TSHZ2: variants seen among roughly 807,000 people sequenced by gnomAD.
TSHZ2 encodes teashirt homolog 2.
Under a neutral mutation model 74.4 loss-of-function variants are expected in TSHZ2, and 21 were observed. The observed-to-expected ratio is 0.28, with a 90% CI of 0.20 to 0.41. The LOEUF is 0.41. TSHZ2 is among the 10% of genes least tolerant of loss of function. The probability of loss-of-function intolerance (pLI) is 1.00; values close to 1 mark genes in which losing one functional copy is unlikely to be tolerated. For synonymous variants in TSHZ2, 540 were observed against 515.3 expected, an observed-to-expected ratio of 1.05 and a Z score of -0.65; for missense variants, 1,244 against 1,293.5, an observed-to-expected ratio of 0.96 and a Z score of 0.59.
intron 1 of TSHZ2, among the ~76,000 whole-genome samples, chr20:53,064,470 C>G (rs753968362): frequency 1.5e-4 from 22 of 151,656 alleles, no homozygotes; most frequent in Non-Finnish European, 3.1e-4. Flanking sequence ...CGTTTGAGCC[C>G]CTATGCCATT....
intron 1 of TSHZ2, among the ~76,000 whole-genome samples, chr20:53,190,954 A>G (rs955725002): frequency 5.9e-5 from 9 of 152,186 alleles, no homozygotes; most frequent in Non-Finnish European, 1.0e-4. Flanking sequence ...TGAATCATGA[A>G]TGGTTAAATA....
chr20:53,160,745 CAAAA>C (rs10653039), intron 1 of TSHZ2, among the ~76,000 whole-genome samples: 10 of 95,840 alleles, frequency 1.0e-4, no homozygotes, highest in African/African-American at 3.4e-4. Context: ...ACTCTGTCTC[CAAAA>C]AAAAAAAAAA....
chr20:53,160,031 G>A (rs141321938), intron 1 of TSHZ2, among the ~76,000 whole-genome samples: 25 of 152,274 alleles, frequency 1.6e-4, no homozygotes, highest in Non-Finnish European at 3.1e-4. Context: ...AGAGGAGAGG[G>A]AAGTCCATCA....
In TSHZ2 at chr20:53,118,564, G is replaced by A. The variant is rs146975879; in HGVS notation, c.41-134935G>A. 1.6e-4 allele frequency among the ~76,000 whole-genome samples: 24 copies of A among 152,302 alleles called. No individual in the cohort carries two copies. The East Asian group carries it at 2.7e-3, about 17-fold the overall frequency. ...GCTCTGGAACATAAACTCCAGTGGA[G>A]CTGTCCTCATTTGAGGTAAGGGGGT... On this transcript the variant is annotated intron_variant, in intron 1 of 2. Transcript: ENST00000371497.
chr20:53,108,221 GC>G (rs1473911977), intron 1 of TSHZ2, among the ~76,000 whole-genome samples: 1 of 152,200 alleles, frequency 6.6e-6, no homozygotes, highest in African/African-American at 2.4e-5. Flanking sequence ...AAGTAGAGAG[GC>G]TCTTTGGCAT....
chr20:53,101,591 A>G (rs1010670423), intron 1 of TSHZ2, among the ~76,000 whole-genome samples: 34 of 152,212 alleles, frequency 2.2e-4, no homozygotes, highest in African/African-American at 7.7e-4. Flanking sequence ...TAGAAACCAC[A>G]GCCCCCACTC....
chr20:53,349,293 C>T (rs894598824), intron 2 of TSHZ2, among the ~76,000 whole-genome samples: 1 of 152,200 alleles, frequency 6.6e-6, no homozygotes, highest in African/African-American at 2.4e-5. Context: ...AAACAATGCC[C>T]ACCACATAGC....
intron 1 of TSHZ2, among the ~76,000 whole-genome samples, chr20:53,131,399 A>G (rs1987096340): frequency 6.6e-6 from 1 of 152,322 alleles, no homozygotes; most frequent in Admixed American, 6.5e-5. Context: ...ACTCCCTGCA[A>G]TCTAGCTGGA....
At chr20:53,116,057 T>C (rs545422638) in intron 1 of TSHZ2, among the ~76,000 whole-genome samples, 2 of 152,312 alleles carry the variant, frequency 1.3e-5, no homozygotes, top group South Asian at 2.1e-4. Context: ...GCATTACTTC[T>C]CTTCCTTATA....
At chr20:52,978,874 C>T (rs777470502) in intron 1 of TSHZ2, among the ~76,000 whole-genome samples, 6 of 152,112 alleles carry the variant, frequency 3.9e-5, no homozygotes, top group Non-Finnish European at 8.8e-5. Context: ...GAGAGCTTAT[C>T]CTTCTATCTT....
intron 2 of TSHZ2, among the ~76,000 whole-genome samples, chr20:53,452,193 G>A (rs1984815484): frequency 6.6e-6 from 1 of 152,216 alleles, no homozygotes; most frequent in Admixed American, 6.5e-5. Context: ...CAGTGTAAGG[G>A]GCTTAGAGGA....
intron 2 of TSHZ2, among the ~76,000 whole-genome samples, chr20:53,261,909 G>A (rs910814711): frequency 1.3e-5 from 2 of 152,198 alleles, no homozygotes; most frequent in African/African-American, 4.8e-5. Context: ...CGAAAGTGAG[G>A]AGGGGAAAAT....
chr20:53,292,145 T>C (rs1390607828), intron 2 of TSHZ2, among the ~76,000 whole-genome samples: 1 of 152,168 alleles, frequency 6.6e-6, no homozygotes, highest in African/African-American at 2.4e-5. Context: ...TAATGACTAA[T>C]TATTGAGGCT....
chr20:53,172,399 G>A (rs1489288489), intron 1 of TSHZ2, among the ~76,000 whole-genome samples: 1 of 151,952 alleles, frequency 6.6e-6, no homozygotes, highest in African/African-American at 2.4e-5. Flanking sequence ...GCTATTGTTT[G>A]GGTTTTATTT....
chr20:53,234,166 A>G (rs1989888184), intron 1 of TSHZ2, among the ~76,000 whole-genome samples: 1 of 152,198 alleles, frequency 6.6e-6, no homozygotes, highest in Admixed American at 6.5e-5. Context: ...TACTGAGCAA[A>G]TGTTGGAAGT....
chr20:53,396,787 A>G (rs1373382834), intron 2 of TSHZ2, among the ~76,000 whole-genome samples: 1 of 151,502 alleles, frequency 6.6e-6, no homozygotes, highest in African/African-American at 2.4e-5. Flanking sequence ...GTTGAAGGCT[A>G]CAGTGAGCCA....
chr20:53,482,209 A>T (rs6097448), intron 2 of TSHZ2, among the ~76,000 whole-genome samples: 30,261 of 151,848 alleles, frequency 0.2, 3,154 homozygotes, highest in East Asian at 0.29. Flanking sequence ...CTTGAAAACA[A>T]TACCAAATTA....
intron 1 of TSHZ2, among the ~76,000 whole-genome samples, chr20:53,191,179 A>C (rs1988729317): frequency 6.6e-6 from 1 of 152,198 alleles, no homozygotes; most frequent in Admixed American, 6.5e-5. Context: ...TGTACAAATC[A>C]AACATTATTA....
At chr20:53,143,131 T>G (rs754855992) in intron 1 of TSHZ2, among the ~76,000 whole-genome samples, 1 of 152,150 alleles carries the variant, frequency 6.6e-6, no homozygotes, top group Non-Finnish European at 1.5e-5. Flanking sequence ...TGAAAACACA[T>G]CTATTTAAGC....
Sources: allele counts gnomAD v4.1 joint callset (sites outside exome capture counted in the v4.1 genomes callset), GRCh38; gene constraint gnomAD v4.1.1; transcripts MANE v1.5; gene names NCBI Gene and HGNC (gene_info 2026-07-23, HGNC 2026-07-21).